The following AUTS2 variants were observed in gnomAD, a reference collection of about 807,000 sequenced individuals.
AUTS2 encodes the protein activator of transcription and developmental regulator AUTS2, also known as autism susceptibility gene 2 protein.
In AUTS2, 17 loss-of-function variants were observed where a neutral mutation model predicts 112.4. The observed-to-expected ratio is 0.15, with a 90% CI of 0.10 to 0.23. The LOEUF (loss-of-function observed/expected upper bound fraction) is 0.23. AUTS2 is among the 10% of genes least tolerant of loss of function. The probability of loss-of-function intolerance (pLI) is 1.00; values close to 1 mark genes in which losing one functional copy is unlikely to be tolerated. For synonymous variants in AUTS2, 751 were observed against 702.7 expected (o/e 1.07, Z -1.09); for missense variants, 1,510 against 1,701.6 (o/e 0.89, Z 1.98).
chr7:70,474,640 G>A (rs1797512539), intron 5 of AUTS2, among the ~76,000 whole-genome samples: 1 of 152,152 alleles, frequency 6.6e-6, no homozygotes, highest in Admixed American at 6.5e-5. Flanking sequence ...TCTTATTTAG[G>A]GGAAGCGCAG....
intron 4 of AUTS2, among the ~76,000 whole-genome samples, chr7:70,237,933 A>G (rs2051033360): frequency 6.6e-6 from 1 of 152,228 alleles, no homozygotes; most frequent in African/African-American, 2.4e-5. Flanking sequence ...TGTCACACTT[A>G]GTAACTTGAT....
At chr7:69,963,554 G>A (rs1797516586) in intron 2 of AUTS2, among the ~76,000 whole-genome samples, 2 of 152,156 alleles carry the variant, frequency 1.3e-5, no homozygotes, top group Admixed American at 1.3e-4. Flanking sequence ...TTAGCTGACT[G>A]AGCTACTAAG....
intron 4 of AUTS2, among the ~76,000 whole-genome samples, chr7:70,175,472 G>T (rs1034665759): frequency 5.3e-5 from 8 of 152,176 alleles, no homozygotes; most frequent in African/African-American, 1.9e-4. Flanking sequence ...ACTTTTTAAA[G>T]AAGTTCTATG....
At chr7:70,698,541 T>C in intron 5 of AUTS2, 28 bp from the exon 6 acceptor site, 1 of 1,584,424 alleles carries the variant, frequency 6.3e-7, no homozygotes, top group Non-Finnish European at 8.6e-7. Context: ...ACAATAATAA[T>C]GCTTTTTTCC....
At chr7:70,116,836 T>G (rs1028767030) in intron 2 of AUTS2, among the ~76,000 whole-genome samples, 1 of 152,324 alleles carries the variant, frequency 6.6e-6, no homozygotes, top group East Asian at 1.9e-4. Context: ...CCTTGTGGTG[T>G]TGTATTTGCT....
intron 4 of AUTS2, among the ~76,000 whole-genome samples, chr7:70,360,036 C>G (rs929702555): frequency 6.6e-6 from 1 of 152,178 alleles, no homozygotes; most frequent in Admixed American, 6.5e-5. Flanking sequence ...TCATCTTTAT[C>G]TGACAGACAA....
intron 4 of AUTS2, among the ~76,000 whole-genome samples, chr7:70,426,634 C>G (rs761811274): frequency 6.6e-6 from 1 of 152,148 alleles, no homozygotes; most frequent in African/African-American, 2.4e-5. Flanking sequence ...CTCAGAAAGT[C>G]AATTCTGCTT....
At chr7:69,823,475 CAT>C (rs2129526604) in intron 1 of AUTS2, among the ~76,000 whole-genome samples, 1 of 152,324 alleles carries the variant, frequency 6.6e-6, no homozygotes, top group East Asian at 1.9e-4. Flanking sequence ...GATGCCTAAA[CAT>C]GTGTCCCACA....
chr7:69,886,855 C>G (rs1794300337), intron 1 of AUTS2, among the ~76,000 whole-genome samples: 1 of 150,016 alleles, frequency 6.7e-6, no homozygotes. Context: ...TTGGTGTGAT[C>G]ATGGCTCACT....
At chr7:70,224,250 G>A (rs555479012) in intron 4 of AUTS2, among the ~76,000 whole-genome samples, 5 of 152,150 alleles carry the variant, frequency 3.3e-5, no homozygotes, top group African/African-American at 1.2e-4. Context: ...AGGAAGTAGA[G>A]GCTGCAGTGA....
chr7:70,333,526 T>C (rs1404807997), intron 4 of AUTS2, among the ~76,000 whole-genome samples: 1 of 152,216 alleles, frequency 6.6e-6, no homozygotes, highest in Admixed American at 6.5e-5. Context: ...ATTGCAGCAC[T>C]GTTCACAATA....
At chr7:70,096,914 C>A (rs1804237153) in intron 2 of AUTS2, among the ~76,000 whole-genome samples, 1 of 152,126 alleles carries the variant, frequency 6.6e-6, no homozygotes, top group East Asian at 1.9e-4. Context: ...CATGCATGAT[C>A]CTTGAAAAGT....
At chr7:70,599,972 C>G (rs981584895) in intron 5 of AUTS2, among the ~76,000 whole-genome samples, 1 of 152,178 alleles carries the variant, frequency 6.6e-6, no homozygotes, top group African/African-American at 2.4e-5. Context: ...CAAAATGTGG[C>G]TGCATACCAA....
chr7:69,610,233 T>C (rs1052013626), intron 1 of AUTS2, among the ~76,000 whole-genome samples: 4 of 152,228 alleles, frequency 2.6e-5, no homozygotes, highest in Admixed American at 1.3e-4. Context: ...ACAAAGGGGC[T>C]GAGTAATCTT....
intron 2 of AUTS2, among the ~76,000 whole-genome samples, chr7:70,011,956 A>G (rs557987139): frequency 6.6e-6 from 1 of 152,250 alleles, no homozygotes; most frequent in East Asian, 1.9e-4. Context: ...TATGAGTCTC[A>G]GGAACCATTG....
intron 4 of AUTS2, among the ~76,000 whole-genome samples, chr7:70,400,292 T>C (rs559281407): frequency 3.9e-5 from 6 of 152,310 alleles, no homozygotes; most frequent in African/African-American, 1.4e-4. Context: ...AGAACATGTA[T>C]GAGACAGACA....
chr7:70,457,848 C>T (rs1364457593), intron 5 of AUTS2, among the ~76,000 whole-genome samples: 1 of 152,154 alleles, frequency 6.6e-6, no homozygotes, highest in Non-Finnish European at 1.5e-5. Flanking sequence ...ATCTTCTGAG[C>T]CGTTTTGTTG....
At chr7:69,741,778 C>T (rs1235298421) in intron 1 of AUTS2, among the ~76,000 whole-genome samples, 6 of 150,828 alleles carry the variant, frequency 4.0e-5, no homozygotes, top group African/African-American at 1.5e-4. Context: ...ATCATACTGC[C>T]ACCCCAACCT....
intron 4 of AUTS2, among the ~76,000 whole-genome samples, chr7:70,388,812 C>T (rs1310562866): frequency 2.6e-5 from 4 of 152,136 alleles, no homozygotes; most frequent in Non-Finnish European, 5.9e-5. Flanking sequence ...GACCTGTTGG[C>T]TGTCTTTAAA....
Sources: gnomAD v4.1 joint callset for allele counts (sites outside exome capture counted in the v4.1 genomes callset) on GRCh38, gnomAD v4.1.1 for gene constraint, MANE v1.5 for transcripts, NCBI Gene and HGNC (gene_info 2026-07-23, HGNC 2026-07-21) for gene names.